The following TMEM108 variants were observed in gnomAD, a reference collection of about 807,000 sequenced individuals.
TMEM108 encodes cancer/testis antigen 124.
In TMEM108, 12 loss-of-function variants were observed where a neutral mutation model predicts 35.1. The ratio of observed to expected loss-of-function variants is 0.34; its 90% CI spans 0.22 to 0.55. The LOEUF is 0.55. Ranked by LOEUF, TMEM108 falls within the 20% of genes least tolerant of loss-of-function variation. The pLI is 0.89. For missense variants in TMEM108, 680 were observed against 753.3 expected (o/e 0.90, Z 1.14); for synonymous variants, 287 against 308.6 (o/e 0.93, Z 0.73).
chr3:133,057,311 C>T (rs1037193852), intron 2 of TMEM108, among the ~76,000 whole-genome samples: 1 of 151,082 alleles, frequency 6.6e-6, no homozygotes, highest in Non-Finnish European at 1.5e-5. Context: ...TCCTTATTGT[C>T]TCATGTACTA....
intron 2 of TMEM108, among the ~76,000 whole-genome samples, chr3:133,057,810 T>C (rs1237606129): frequency 6.6e-6 from 1 of 152,194 alleles, no homozygotes; most frequent in African/African-American, 2.4e-5. Flanking sequence ...CTTTTTTGAA[T>C]GGAGAGATTT....
At chr3:133,124,233 A>C (rs1369300966) in intron 2 of TMEM108, among the ~76,000 whole-genome samples, 4 of 152,192 alleles carry the variant, frequency 2.6e-5, no homozygotes, top group Non-Finnish European at 5.9e-5. Flanking sequence ...TACCAAAATA[A>C]CCGAAATGAA....
At chr3:133,278,569 A>G (rs1559890398) in intron 3 of TMEM108, among the ~76,000 whole-genome samples, 1 of 152,230 alleles carries the variant, frequency 6.6e-6, no homozygotes, top group Non-Finnish European at 1.5e-5. Context: ...CCTAGGCTAC[A>G]AACCTGTACG....
At chr3:133,085,001 T>G (rs1943863526) in intron 2 of TMEM108, among the ~76,000 whole-genome samples, 1 of 152,212 alleles carries the variant, frequency 6.6e-6, no homozygotes, top group Admixed American at 6.5e-5. Context: ...TCGTCTTCAC[T>G]AACAGAAGCA....
At chr3:133,357,334 G>T (rs1391098774) in intron 3 of TMEM108, among the ~76,000 whole-genome samples, 1 of 152,078 alleles carries the variant, frequency 6.6e-6, no homozygotes, top group Non-Finnish European at 1.5e-5. Context: ...TGGTGGAAAT[G>T]TAAATTAGTA....
Position 133,338,068 on chromosome 3 carries a change from C to T in TMEM108, c.41-41684C>T, listed in dbSNP as rs144601353. Among the ~76,000 whole-genome samples the T allele has an allele frequency of 4.3e-3, 656 of 152,036 alleles. 9 individuals are homozygous for T. The highest frequency in any genetic ancestry group is 0.015 in the African/African-American group (627 of 41,496). ...CACACTTATAAGGATCTAGAAAATA[C>T]CCTCAAATGGGCAAATCTAAGAGTT... is the stretch of plus-strand genomic sequence containing the variant. On this transcript the variant is annotated intron_variant, in intron 3 of 5. Coordinates refer to ENST00000321871, the MANE Select transcript of TMEM108 (RefSeq NM_023943.4).
rs532656213 is a variant in TMEM108, at chr3:133,144,441, A to G, written c.-46-84825A>G. On this transcript the variant is annotated intron_variant, in intron 2 of 5. Coordinates refer to ENST00000321871, the MANE Select transcript of TMEM108 (RefSeq NM_023943.4). ...AGTGCTGCAATAAACATACGTGTGC[A>G]TGTGTCTTTATAGTAGAATGATTTA... is the stretch of plus-strand genomic sequence containing the variant. 2.0e-5 allele frequency among the ~76,000 whole-genome samples: 3 copies of G among 152,302 alleles called. No individual in the cohort carries two copies. In the South Asian group the frequency reaches 6.2e-4, roughly 32 times the overall value.
At chr3:133,363,919 A>G (rs760619747) in intron 3 of TMEM108, among the ~76,000 whole-genome samples, 1 of 152,220 alleles carries the variant, frequency 6.6e-6, no homozygotes, top group Non-Finnish European at 1.5e-5. Flanking sequence ...AACTGCATAT[A>G]TATTAATATT....
intron 3 of TMEM108, among the ~76,000 whole-genome samples, chr3:133,256,710 G>GA (rs1946551706): frequency 6.6e-6 from 1 of 152,026 alleles, no homozygotes; most frequent in African/African-American, 2.4e-5. Flanking sequence ...GAATAAGAAA[G>GA]AAAAAACTCA....
intron 3 of TMEM108, among the ~76,000 whole-genome samples, chr3:133,337,956 G>A (rs936477110): frequency 6.6e-6 from 1 of 152,100 alleles, no homozygotes; most frequent in Admixed American, 6.6e-5. Flanking sequence ...GACTTGAGCA[G>A]AAGAAAGAAT....
intron 5 of TMEM108, 152 bp downstream of exon 5, chr3:133,390,486 C>T: frequency 1.2e-6 from 1 of 842,516 alleles, no homozygotes; most frequent in Non-Finnish European, 1.8e-6. Flanking sequence ...AGGCCCTACC[C>T]TGGTCCTACT....
intron 3 of TMEM108, among the ~76,000 whole-genome samples, chr3:133,362,225 A>G (rs1376427365): frequency 1.3e-5 from 2 of 152,202 alleles, no homozygotes; most frequent in African/African-American, 4.8e-5. Context: ...TGAAGATGAT[A>G]TCATTGTTAT....
chr3:133,272,271 A>ATGTG (rs1491269338), intron 3 of TMEM108, among the ~76,000 whole-genome samples: 4 of 71,272 alleles, frequency 5.6e-5, no homozygotes, highest in Non-Finnish European at 8.5e-5. Flanking sequence ...CCATACACGT[A>ATGTG]CGTGTGTGTG....
intron 3 of TMEM108, among the ~76,000 whole-genome samples, chr3:133,365,535 G>A (rs1219522108): frequency 2.0e-5 from 3 of 152,174 alleles, no homozygotes; most frequent in Non-Finnish European, 2.9e-5. Flanking sequence ...TCAGAGGCAA[G>A]GAGCCACTTT....
intron 3 of TMEM108, among the ~76,000 whole-genome samples, chr3:133,377,114 G>A (rs2072866475): frequency 6.6e-6 from 1 of 152,024 alleles, no homozygotes; most frequent in Admixed American, 6.6e-5. Context: ...ATCGAATTAG[G>A]GCCCACTCTT....
chr3:133,153,540 G>A (rs1242546656), intron 2 of TMEM108, among the ~76,000 whole-genome samples: 1 of 152,174 alleles, frequency 6.6e-6, no homozygotes, highest in Admixed American at 6.6e-5. Context: ...GATTAAGACA[G>A]ATCAGACAAG....
intron 3 of TMEM108, among the ~76,000 whole-genome samples, chr3:133,233,623 C>T (rs1231424305): frequency 6.8e-6 from 1 of 146,404 alleles, no homozygotes; most frequent in Admixed American, 7.0e-5. Context: ...ACACTGACTT[C>T]CACAATGGTT....
intron 2 of TMEM108, among the ~76,000 whole-genome samples, chr3:133,213,891 T>A (rs1945868167): frequency 6.6e-6 from 1 of 152,156 alleles, no homozygotes; most frequent in African/African-American, 2.4e-5. Flanking sequence ...AACTTATAAA[T>A]AAGACCCTTA....
intron 4 of TMEM108, among the ~76,000 whole-genome samples, chr3:133,384,894 G>C (rs908576405): frequency 1.3e-5 from 2 of 152,208 alleles, no homozygotes; most frequent in Non-Finnish European, 2.9e-5. Flanking sequence ...AGCTGCAGAT[G>C]TTTGTCATCA....
Sources: gnomAD v4.1 joint callset for allele counts (sites outside exome capture counted in the v4.1 genomes callset) on GRCh38, gnomAD v4.1.1 for gene constraint, MANE v1.5 for transcripts, NCBI Gene and HGNC (gene_info 2026-07-23, HGNC 2026-07-21) for gene names.